The following CA10 variants were observed in gnomAD, a reference collection of about 807,000 sequenced individuals.
CA10 encodes the protein carbonic anhydrase 10 (inactive).
In CA10, 14 loss-of-function variants were observed where a neutral mutation model predicts 44.2. The observed-to-expected ratio is 0.32, with a 90% CI of 0.21 to 0.50. The LOEUF (loss-of-function observed/expected upper bound fraction) is 0.50. CA10 is among the 20% of genes least tolerant of loss of function. The pLI, the probability that CA10 is intolerant of heterozygous loss-of-function variation, is 0.99. For missense variants in CA10, 350 were observed against 409.7 expected (o/e 0.85, Z 1.26); for synonymous variants, 159 against 141.6 (o/e 1.12, Z -0.87).
chr17:52,113,650 G>A (rs1025642579), intron 1 of CA10, among the ~76,000 whole-genome samples: 2 of 151,926 alleles, frequency 1.3e-5, no homozygotes, highest in Non-Finnish European at 2.9e-5. Flanking sequence ...AAATTTCAGG[G>A]GAAAATAAAA....
At chr17:51,823,422 A>G (rs1358843833) in intron 3 of CA10, among the ~76,000 whole-genome samples, 1 of 152,140 alleles carries the variant, frequency 6.6e-6, no homozygotes, top group Non-Finnish European at 1.5e-5. Context: ...TTGGAAAGGA[A>G]TCATGTTCAC....
chr17:51,912,156 C>T (rs1981814897), intron 3 of CA10, among the ~76,000 whole-genome samples: 1 of 152,164 alleles, frequency 6.6e-6, no homozygotes, highest in South Asian at 2.1e-4. Context: ...GAATAAATAA[C>T]ACCGACTTCA....
chr17:52,150,913 G>A lies in CA10; in HGVS notation c.61+6813C>T, dbSNP rs191181387. Among the ~76,000 whole-genome samples, 771 of 152,102 alleles carry A rather than the reference G, an allele frequency of 5.1e-3. 6 individuals carry two copies. Among genetic ancestry groups the A allele is most frequent in the South Asian group, 0.033 (157 of 4,812 alleles). On this transcript the variant is annotated intron_variant, in intron 1 of 8. Transcript: ENST00000451037. The stretch of plus-strand genomic sequence containing the variant: ...AAAGATCAGGATAAATGAGGGTCAC[G>A]AGAGATTTATAAAAAATGAATTTTT...
intron 3 of CA10, among the ~76,000 whole-genome samples, chr17:51,750,414 AT>A (rs1478542327): frequency 6.6e-6 from 1 of 152,170 alleles, no homozygotes; most frequent in African/African-American, 2.4e-5. Flanking sequence ...GTCATTAACT[AT>A]TCTTTAGCAA....
chr17:51,734,611 C>A (rs78128212), intron 4 of CA10, among the ~76,000 whole-genome samples: 1 of 152,056 alleles, frequency 6.6e-6, no homozygotes, highest in Non-Finnish European at 1.5e-5. Context: ...ATTCTATTTG[C>A]GGGTCTTCTT....
At chr17:51,875,710 G>T (rs946849172) in intron 3 of CA10, among the ~76,000 whole-genome samples, 12 of 152,048 alleles carry the variant, frequency 7.9e-5, no homozygotes, top group South Asian at 6.2e-4. Flanking sequence ...ATAGTTAAAT[G>T]AGTTTTAGTA....
chr17:52,111,279 C>T (rs530199341), intron 1 of CA10, among the ~76,000 whole-genome samples: 24 of 152,266 alleles, frequency 1.6e-4, no homozygotes, highest in African/African-American at 3.8e-4. Flanking sequence ...ATTACACCTA[C>T]GCTTACATCC....
intron 1 of CA10, among the ~76,000 whole-genome samples, chr17:52,138,614 T>C (rs1197662609): frequency 6.6e-6 from 1 of 152,170 alleles, no homozygotes; most frequent in Non-Finnish European, 1.5e-5. Context: ...TGATATCAAA[T>C]CCATCTTCTG....
intron 3 of CA10, among the ~76,000 whole-genome samples, chr17:51,771,701 T>C (rs1169243968): frequency 1.3e-5 from 2 of 152,220 alleles, no homozygotes; most frequent in East Asian, 3.8e-4. Context: ...GACTCTTTCC[T>C]GTTGACTTAG....
At chr17:52,092,800 T>C (rs1315709523) in intron 1 of CA10, among the ~76,000 whole-genome samples, 2 of 152,220 alleles carry the variant, frequency 1.3e-5, no homozygotes. Flanking sequence ...GAGGATTGAA[T>C]ACCATGGAGC....
At chr17:51,979,643 A>C (rs554136538) in intron 2 of CA10, among the ~76,000 whole-genome samples, 33 of 152,282 alleles carry the variant, frequency 2.2e-4, no homozygotes, top group Non-Finnish European at 2.4e-4. Flanking sequence ...CGTCTCAATA[A>C]ATCATCTATG....
intron 4 of CA10, among the ~76,000 whole-genome samples, chr17:51,668,979 A>T (rs1348461484): frequency 1.3e-5 from 2 of 152,162 alleles, no homozygotes; most frequent in African/African-American, 4.8e-5. Flanking sequence ...CCAAGCTCGA[A>T]TTCTCGCTGG....
In CA10 at chr17:52,158,063, T is replaced by C; in HGVS notation, c.-277A>G. On this transcript the variant is annotated 5_prime_UTR_variant, in exon 1 of 9. Transcript: ENST00000451037. ...CCTTGGAGGTCTCCCCGCTCGCGTG[T>C]CTCTTCTCTTCGCACCAGCGGCGGA... The C allele has an allele frequency of 1.9e-6, 1 of 533,936 alleles. No individual in the cohort carries two copies. Among genetic ancestry groups the C allele is most frequent in the East Asian group, 3.4e-5 (1 of 29,384 alleles). The allele number at this position is 533,936 out of a possible 1,614,324, so 33.1% of individuals were successfully genotyped here. A position where few individuals can be genotyped will look rare whatever the true frequency, so the allele number is the denominator to read the frequency against.
intron 3 of CA10, among the ~76,000 whole-genome samples, chr17:51,902,435 C>A (rs73348448): frequency 0.02 from 3,035 of 152,098 alleles, 79 homozygotes; most frequent in African/African-American, 0.069. Flanking sequence ...CCATTTGTGC[C>A]TTACAAGAGC....
chr17:51,646,251 C>T (rs1190374256), intron 6 of CA10, among the ~76,000 whole-genome samples: 1 of 152,182 alleles, frequency 6.6e-6, no homozygotes, highest in Non-Finnish European at 1.5e-5. Flanking sequence ...AATCATACCG[C>T]TCTGAAGGAC....
chr17:51,939,826 T>C (rs1449652510), intron 2 of CA10, among the ~76,000 whole-genome samples: 2 of 152,092 alleles, frequency 1.3e-5, no homozygotes, highest in African/African-American at 2.4e-5. Context: ...ATAAATATTT[T>C]CTTATAGCCT....
chr17:51,692,205 C>A (rs1202912431), intron 4 of CA10, among the ~76,000 whole-genome samples: 3 of 141,292 alleles, frequency 2.1e-5, no homozygotes, highest in Admixed American at 1.4e-4. Context: ...TTGTAGATAG[C>A]TTTTACTTCT....
chr17:51,782,386 G>A (rs374258301), intron 3 of CA10, among the ~76,000 whole-genome samples: 5 of 152,196 alleles, frequency 3.3e-5, no homozygotes, highest in Admixed American at 6.5e-5. Flanking sequence ...GCTCATCAGT[G>A]AGGTCTCTTT....
At chr17:52,069,897 TCTC>T (rs1425622338) in intron 2 of CA10, among the ~76,000 whole-genome samples, 5 of 152,320 alleles carry the variant, frequency 3.3e-5, no homozygotes, top group South Asian at 4.1e-4. Flanking sequence ...TATCAAGTTC[TCTC>T]CTATTTCACA....
Sources: gnomAD v4.1 joint callset for allele counts (sites outside exome capture counted in the v4.1 genomes callset) on GRCh38, gnomAD v4.1.1 for gene constraint, MANE v1.5 for transcripts, NCBI Gene and HGNC (gene_info 2026-07-23, HGNC 2026-07-21) for gene names.